The following EPM2A variants were observed in gnomAD, a reference collection of about 807,000 sequenced individuals.
EPM2A encodes the protein laforin.
A neutral mutation model predicts 26.5 loss-of-function variants in EPM2A; 21 were observed. The observed-to-expected ratio is 0.79, with a 90% CI of 0.56 to 1.14. The LOEUF is 1.14. Ranked by LOEUF, EPM2A falls within the 50% of genes most tolerant of loss-of-function variation. The pLI is 0.00. For missense variants in EPM2A, 458 were observed against 440.8 expected (o/e 1.04, Z -0.35); for synonymous variants, 217 against 177.6 (o/e 1.22, Z -1.76).
chr6:145,691,338 TTTC>T (rs1781268556), intron 1 of EPM2A, among the ~76,000 whole-genome samples: 1 of 152,170 alleles, frequency 6.6e-6, no homozygotes, highest in Admixed American at 6.5e-5. Context: ...AAGTGTCATT[TTTC>T]AAGTGCTGTA....
At chr6:145,584,266 G>A (rs1365994972) in intron 2 of EPM2A, among the ~76,000 whole-genome samples, 1 of 152,150 alleles carries the variant, frequency 6.6e-6, no homozygotes, top group African/African-American at 2.4e-5. Context: ...GGTTAGGTGT[G>A]GTCTGCCAGC....
At chr6:145,541,661 TG>T (rs1315946511) in intron 2 of EPM2A, among the ~76,000 whole-genome samples, 46 of 152,186 alleles carry the variant, frequency 3.0e-4, no homozygotes, top group Non-Finnish European at 6.6e-4. Context: ...ACTAAAGAGA[TG>T]TTTTTAATGA....
intron 2 of EPM2A, among the ~76,000 whole-genome samples, chr6:145,572,253 G>A (rs1483127665): frequency 6.6e-6 from 1 of 152,196 alleles, no homozygotes; most frequent in Non-Finnish European, 1.5e-5. Flanking sequence ...AACCATCTGT[G>A]AACCAGACCC....
intron 1 of EPM2A, among the ~76,000 whole-genome samples, chr6:145,718,349 A>C (rs1458364762): frequency 6.7e-6 from 1 of 148,314 alleles, no homozygotes; most frequent in Non-Finnish European, 1.5e-5. Flanking sequence ...GACAAACCTG[A>C]GAAAAACAAG....
At chr6:145,486,655 T>C (rs913819822) in intron 4 of EPM2A, among the ~76,000 whole-genome samples, 1 of 152,128 alleles carries the variant, frequency 6.6e-6, no homozygotes, top group East Asian at 1.9e-4. Context: ...GCTATCTTTA[T>C]ATATTTGACC....
At chr6:145,679,161 T>C (rs1373806544) in intron 2 of EPM2A, among the ~76,000 whole-genome samples, 4 of 146,278 alleles carry the variant, frequency 2.7e-5, no homozygotes, top group African/African-American at 9.9e-5. Context: ...CAGAAAACCA[T>C]GTTTTCTGTG....
intron 4 of EPM2A, among the ~76,000 whole-genome samples, chr6:145,394,813 G>A (rs750681257): frequency 4.6e-5 from 7 of 152,044 alleles, no homozygotes; most frequent in African/African-American, 9.7e-5. Flanking sequence ...AGGGCCAATC[G>A]TTCACTAATA....
At position 145,384,413 on chromosome 6, in the gene EPM2A, G is replaced by A. The variant is rs150374803; in HGVS notation, c.556-316C>T. Among the ~76,000 whole-genome samples, 73 of 122,806 alleles carry A rather than the reference G, an allele frequency of 5.9e-4. 6 individuals are homozygous for A. The highest frequency in any genetic ancestry group is 2.2e-3 in the African/African-American group (73 of 32,594). 80.6% of individuals were successfully genotyped at this position (122,806 alleles called of 152,430 possible). A position where few individuals can be genotyped will look rare whatever the true frequency, so the allele number is the denominator to read the frequency against. On this transcript the variant is annotated intron_variant, in intron 4 of 4. Transcript: ENST00000638717. ...GATAATCATGGGATCAACACCTGTG[G>A]GGGCATGGAAGGAAGAAGGATTGGC...
chr6:145,728,316 G>A (rs1776313204), intron 1 of EPM2A, among the ~76,000 whole-genome samples: 1 of 152,144 alleles, frequency 6.6e-6, no homozygotes, highest in Non-Finnish European at 1.5e-5. Context: ...CAGTTTGGAG[G>A]ACTCAGAGGA....
At chr6:145,600,982 G>A (rs1781409881) in intron 2 of EPM2A, among the ~76,000 whole-genome samples, 1 of 152,224 alleles carries the variant, frequency 6.6e-6, no homozygotes, top group South Asian at 2.1e-4. Context: ...TCTCTCCCCA[G>A]GTTGGGGGGA....
At chr6:145,687,953 G>T (rs1781039525) in intron 1 of EPM2A, among the ~76,000 whole-genome samples, 1 of 151,858 alleles carries the variant, frequency 6.6e-6, no homozygotes, top group South Asian at 2.1e-4. Flanking sequence ...ATATCCAACA[G>T]AAATATTACT....
At chr6:145,538,218 C>G (rs181017388) in intron 2 of EPM2A, among the ~76,000 whole-genome samples, 2 of 151,974 alleles carry the variant, frequency 1.3e-5, no homozygotes, top group South Asian at 2.1e-4. Flanking sequence ...TATGCTCCCA[C>G]CAACAGTGTA....
chr6:145,578,071 T>G (rs1273373854), intron 2 of EPM2A, among the ~76,000 whole-genome samples: 1 of 151,942 alleles, frequency 6.6e-6, no homozygotes, highest in Non-Finnish European at 1.5e-5. Flanking sequence ...AGGGAAGTTT[T>G]TAGCAATAAA....
intron 3 of EPM2A, chr6:145,628,088 C>A: frequency 4.2e-6 from 1 of 235,700 alleles, no homozygotes; most frequent in South Asian, 6.9e-5. Flanking sequence ...CAGGTCTGGC[C>A]ACCTGAATTT....
intron 1 of EPM2A, among the ~76,000 whole-genome samples, chr6:145,731,567 T>G (rs568337633): frequency 2.6e-5 from 4 of 151,022 alleles, no homozygotes; most frequent in African/African-American, 9.8e-5. Flanking sequence ...TAAGTGGGAG[T>G]TGAACATAGA....
chr6:145,513,984 A>G (rs1395056477), intron 2 of EPM2A, among the ~76,000 whole-genome samples: 1 of 152,186 alleles, frequency 6.6e-6, no homozygotes, highest in Non-Finnish European at 1.5e-5. Flanking sequence ...CAGTCACCTC[A>G]CAGCTGAACT....
At chr6:145,577,206 A>C (rs1781043550) in intron 2 of EPM2A, among the ~76,000 whole-genome samples, 1 of 152,044 alleles carries the variant, frequency 6.6e-6, no homozygotes, top group Admixed American at 6.6e-5. Flanking sequence ...ATGTAAATGG[A>C]CTAAATTCTC....
At chr6:145,388,746 G>A (rs992156812) in intron 4 of EPM2A, among the ~76,000 whole-genome samples, 6 of 152,216 alleles carry the variant, frequency 3.9e-5, no homozygotes, top group South Asian at 2.1e-4. Context: ...TCCCACTTAT[G>A]AGTGAGAACA....
chr6:145,614,137 G>A (rs1201877020), intron 2 of EPM2A, among the ~76,000 whole-genome samples: 2 of 152,224 alleles, frequency 1.3e-5, no homozygotes, highest in Non-Finnish European at 2.9e-5. Flanking sequence ...AGCACTTGCT[G>A]TTTCACCTTG....
Sources: gnomAD v4.1 joint callset for allele counts (sites outside exome capture counted in the v4.1 genomes callset) on GRCh38, gnomAD v4.1.1 for gene constraint, MANE v1.5 for transcripts, NCBI Gene and HGNC (gene_info 2026-07-23, HGNC 2026-07-21) for gene names.